The following STEAP3 variants were observed in gnomAD, a reference collection of about 807,000 sequenced individuals.
The protein encoded by STEAP3 is STEAP3 metalloreductase.
A neutral mutation model predicts 34.9 loss-of-function variants in STEAP3; 35 were observed. That is an observed-to-expected ratio of 1.00 (90% confidence interval 0.76 to 1.33). The LOEUF is 1.33. Among genes scored for constraint, STEAP3 ranks in the 40% most tolerant of loss-of-function variants. STEAP3 has a pLI of 0.00. For synonymous variants in STEAP3, 281 were observed against 301.6 expected, an observed-to-expected ratio of 0.93 and a Z score of 0.71; for missense variants, 652 against 667.6, an observed-to-expected ratio of 0.98 and a Z score of 0.26.
Position 119,248,184 on chromosome 2 carries a change from T to C in STEAP3, c.1028T>C (p.Leu343Pro). 1 of 1,591,680 alleles carries C rather than the reference T, an allele frequency of 6.3e-7. No individual in the cohort carries two copies. The highest frequency in any genetic ancestry group is 1.3e-5 in the African/African-American group (1 of 74,680). ...LPLRRAHRYD[L>P]VNLAVKQVLA... ...CTGCGCCGCGCCCACCGCTACGACC[T>C]GGTCAACCTGGCAGTCAAGCAGGTA... The change falls in exon 4 of 6, where the codon CTG (leucine) becomes CCG (proline). Residue 343 changes from leucine (L) to proline (P), a missense_variant. Physicochemically the swap from Leu to Pro is moderately conservative, Grantham distance 98. Transcript: ENST00000393110.
chr2:119,250,678 C>T (rs1401410702), intron 4 of STEAP3, among the ~76,000 whole-genome samples: 1 of 152,116 alleles, frequency 6.6e-6, no homozygotes, highest in Non-Finnish European at 1.5e-5. Context: ...CACACCACTG[C>T]TCCCTCCCTC....
chr2:119,245,403 G>A (rs1480975639), intron 2 of STEAP3, 86 bp from the exon 3 acceptor site: 2 of 1,507,044 alleles, frequency 1.3e-6, no homozygotes, highest in African/African-American at 1.4e-5. Flanking sequence ...TGACTGCCGT[G>A]TAGTTACGAT....
At chr2:119,237,831 C>G (rs940883706) in intron 2 of STEAP3, among the ~76,000 whole-genome samples, 4 of 150,032 alleles carry the variant, frequency 2.7e-5, no homozygotes, top group South Asian at 2.1e-4. Flanking sequence ...GGATCACTCC[C>G]CATTTTCTCC....
At chr2:119,239,676 G>A (rs530909089) in intron 2 of STEAP3, among the ~76,000 whole-genome samples, 10 of 152,210 alleles carry the variant, frequency 6.6e-5, no homozygotes, top group South Asian at 4.1e-4. Flanking sequence ...GTCAAAGTTC[G>A]GCTCAGGCCC....
intron 5 of STEAP3, among the ~76,000 whole-genome samples, chr2:119,259,452 A>G (rs925764456): frequency 2.6e-5 from 4 of 152,182 alleles, no homozygotes; most frequent in African/African-American, 7.2e-5. Flanking sequence ...GCCCTTTGTT[A>G]TTGGCTGGCC....
At chr2:119,239,158 A>G (rs1677171298) in intron 2 of STEAP3, among the ~76,000 whole-genome samples, 1 of 152,238 alleles carries the variant, frequency 6.6e-6, no homozygotes, top group African/African-American at 2.4e-5. Flanking sequence ...TGGCGTGTCC[A>G]GTACCTCCCA....
chr2:119,228,386 C>A (rs1244641580), intron 1 of STEAP3, among the ~76,000 whole-genome samples: 2 of 152,148 alleles, frequency 1.3e-5, no homozygotes, highest in Non-Finnish European at 1.5e-5. Context: ...ACTGCCCAGG[C>A]CTGCACATGA....
chr2:119,232,862 A>G (rs1357763609), intron 2 of STEAP3, among the ~76,000 whole-genome samples: 1 of 152,168 alleles, frequency 6.6e-6, no homozygotes, highest in Non-Finnish European at 1.5e-5. Context: ...GCATCCTGTT[A>G]CCTGTGCTGC....
chr2:119,248,223 C>A lies in STEAP3; in HGVS notation c.1050+17C>A. ...GTCAAGCAGGTACCCACCCCATGCC[C>A]TTCCTCCCTCTGGCAACTCAGCACA... On this transcript the variant is annotated intron_variant, in intron 4 of 5. Transcript: ENST00000393110. 3 of 1,555,182 alleles carry A rather than the reference C, an allele frequency of 1.9e-6. No homozygotes were observed. Among genetic ancestry groups the A allele is most frequent in the Non-Finnish European group, 8.7e-7 (1 of 1,149,428 alleles).
intron 1 of STEAP3, among the ~76,000 whole-genome samples, chr2:119,228,773 A>C (rs1333781594): frequency 6.6e-6 from 1 of 152,074 alleles, no homozygotes; most frequent in Non-Finnish European, 1.5e-5. Flanking sequence ...GACCTTTAAC[A>C]TCTGGCATGG....
chr2:119,252,787 T>C (rs986945243), intron 4 of STEAP3, among the ~76,000 whole-genome samples: 11 of 152,108 alleles, frequency 7.2e-5, no homozygotes, highest in African/African-American at 2.7e-4. Context: ...GTCTTTGCCA[T>C]CCACTGCTCC....
intron 5 of STEAP3, 38 bp from the exon 6 acceptor site, chr2:119,263,019 C>A: frequency 1.3e-6 from 2 of 1,591,542 alleles, no homozygotes; most frequent in South Asian, 1.1e-5. Context: ...CATCTGTCAT[C>A]CCCTCGCCCT....
At chr2:119,230,274 A>G (rs1391051620) in intron 1 of STEAP3, among the ~76,000 whole-genome samples, 1 of 152,182 alleles carries the variant, frequency 6.6e-6, no homozygotes, top group Non-Finnish European at 1.5e-5. Flanking sequence ...AGCCATCCCC[A>G]GCCAGCAGAA....
chr2:119,260,896 A>T (rs527605220), intron 5 of STEAP3, among the ~76,000 whole-genome samples: 1 of 152,336 alleles, frequency 6.6e-6, no homozygotes, highest in African/African-American at 2.4e-5. Context: ...GGCCAAGAAG[A>T]TTCCAAAAAT....
rs768319229 is a variant in STEAP3, at chr2:119,263,111, G to A, written c.1270G>A (p.Gly424Ser). 25 of 1,612,172 alleles carry A rather than the reference G, an allele frequency of 1.6e-5. No homozygotes were observed. The highest frequency in any genetic ancestry group is 1.7e-4 in the Middle Eastern group (1 of 5,874). The change falls in exon 6 of 6, where the codon GGC becomes AGC. Residue 424 changes from glycine (G) to serine (S), a missense_variant. Transcript: ENST00000393110. ...GAGCACACTGCACACGCTCACCTAC[G>A]GCTGGACCCGCGCCTTCGAGGAGAG... is the stretch of plus-strand genomic sequence containing the variant. ...VLSTLHTLTY[G>S]WTRAFEESRY...
At chr2:119,254,955 A>C in intron 5 of STEAP3, 107 bp downstream of exon 5, 7 of 1,379,998 alleles carry the variant, frequency 5.1e-6, no homozygotes, top group Non-Finnish European at 6.9e-6. Flanking sequence ...TCATCTGCAC[A>C]GCAGGACCAC....
chr2:119,242,464 G>A (rs991304128), intron 2 of STEAP3, among the ~76,000 whole-genome samples: 2 of 152,152 alleles, frequency 1.3e-5, no homozygotes, highest in Non-Finnish European at 2.9e-5. Context: ...GCTGGCCTGC[G>A]AGCCCTGAGG....
In STEAP3 at chr2:119,230,915, C is replaced by A; in HGVS notation, c.-98C>A. 1.3e-6 allele frequency: 2 copies of A among 1,547,798 alleles called. No individual in the cohort carries two copies. The highest frequency in any genetic ancestry group is 1.8e-6 in the Non-Finnish European group (2 of 1,120,466). ...GAGAAACCGAGAGTCAGAACCAAAGCCAGGCTGTCCTGGTTGGAGACTGAG... is the reference window on the plus strand; with the variant it reads ...GAGAAACCGAGAGTCAGAACCAAAGACAGGCTGTCCTGGTTGGAGACTGAG... On this transcript the variant is annotated 5_prime_UTR_variant, in exon 2 of 6. Transcript: ENST00000393110.
chr2:119,228,793 G>C (rs919776942), intron 1 of STEAP3, among the ~76,000 whole-genome samples: 1 of 152,122 alleles, frequency 6.6e-6, no homozygotes, highest in Non-Finnish European at 1.5e-5. Context: ...GCTTGTGGGG[G>C]GTGCTGAGAG....
Sources: gnomAD v4.1 joint callset for allele counts (sites outside exome capture counted in the v4.1 genomes callset) on GRCh38, gnomAD v4.1.1 for gene constraint, MANE v1.5 for transcripts, NCBI Gene and HGNC (gene_info 2026-07-23, HGNC 2026-07-21) for gene names.